EEA1: variants seen among roughly 807,000 people sequenced by gnomAD.
The protein encoded by EEA1 is early endosome antigen 1, 162kD.
EEA1 carries 111 observed loss-of-function variants against 209.2 expected under a neutral mutation model. The observed-to-expected ratio is 0.53, with a 90% CI of 0.45 to 0.62. The LOEUF (loss-of-function observed/expected upper bound fraction) is 0.62. Ranked by LOEUF, EEA1 falls within the 20% of genes least tolerant of loss-of-function variation. The pLI, the probability that EEA1 is intolerant of heterozygous loss-of-function variation, is 0.00. For synonymous variants in EEA1, 536 were observed against 540.6 expected (o/e 0.99, Z 0.12); for missense variants, 1,343 against 1,530.8 (o/e 0.88, Z 2.05).
chr12:92,815,951 G>A (rs11833034), intron 15 of EEA1, among the ~76,000 whole-genome samples: 19 of 151,422 alleles, frequency 1.3e-4, no homozygotes, highest in African/African-American at 4.4e-4. Flanking sequence ...GAGACAGAGA[G>A]AGAGAGGGAG....
At chr12:92,778,280 G>A (rs554391272) in intron 25 of EEA1, 101 bp from the exon 26 acceptor site, 35 of 839,712 alleles carry the variant, frequency 4.2e-5, no homozygotes, top group Non-Finnish European at 5.4e-5. Context: ...TTGCTTCTTC[G>A]GGAATGGAGG....
rs1473281548 is a variant in EEA1, at chr12:92,773,805, C to T, written c.*2206G>A. On this transcript the variant is annotated 3_prime_UTR_variant, in exon 29 of 29. Coordinates refer to ENST00000322349, the MANE Select transcript of EEA1 (RefSeq NM_003566.4). ...GGGAGAGTTAGTAGCAAAAAATGTT[C>T]GGTTTCATTTATATTATCAGTATAG... 1.3e-5 allele frequency: 2 copies of T among 151,340 alleles called. No homozygotes were observed. Among genetic ancestry groups the T allele is most frequent in the African/African-American group, 2.4e-5 (1 of 41,302 alleles). The allele number at this position is 151,340 out of a possible 1,614,324, so 9.4% of individuals were successfully genotyped here. A position where few individuals can be genotyped will look rare whatever the true frequency, so the allele number is the denominator to read the frequency against.
At chr12:92,818,973 C>T (rs566031637) in intron 14 of EEA1, among the ~76,000 whole-genome samples, 1 of 152,134 alleles carries the variant, frequency 6.6e-6, no homozygotes, top group Non-Finnish European at 1.5e-5. Flanking sequence ...ATTCTTTTTT[C>T]TAAACATCAC....
At chr12:92,796,692 C>T (rs1874666275) in intron 21 of EEA1, among the ~76,000 whole-genome samples, 1 of 152,156 alleles carries the variant, frequency 6.6e-6, no homozygotes, top group Admixed American at 6.6e-5. Flanking sequence ...CCTACTTCAC[C>T]ATGGGCCAGT....
In EEA1 at chr12:92,847,590, T is replaced by C. The variant is rs77933799; in HGVS notation, c.798+3521A>G. On this transcript the variant is annotated intron_variant, in intron 9 of 28. Coordinates refer to ENST00000322349, the MANE Select transcript of EEA1 (RefSeq NM_003566.4). ...CCAATACAAATATTACAACACACAA[T>C]ATGGCAAAATTAGAAAAGTAATTAA... Among the ~76,000 whole-genome samples, 550 of 152,176 alleles carry C rather than the reference T, an allele frequency of 3.6e-3. 2 individuals are homozygous for C. The highest frequency in any genetic ancestry group is 0.013 in the African/African-American group (528 of 41,534).
chr12:92,787,707 AT>A (rs1874193488), intron 22 of EEA1, among the ~76,000 whole-genome samples, 159 bp downstream of exon 22: 1 of 152,130 alleles, frequency 6.6e-6, no homozygotes, highest in South Asian at 2.1e-4. Flanking sequence ...ATTTTAAACA[AT>A]TTTTTAAAGC....
chr12:92,874,609 G>A lies in EEA1; in HGVS notation c.118-9622C>T, dbSNP rs528507103. On this transcript the variant is annotated intron_variant, in intron 2 of 28. Transcript: ENST00000322349. The stretch of plus-strand genomic sequence containing the variant: ...TCGAACTCCTGACCTCAGGTGATCC[G>A]CCTGCCTCAGCCTCCCAAAGTGCTG... 4.6e-5 allele frequency among the ~76,000 whole-genome samples: 7 copies of A among 152,186 alleles called. No individual in the cohort carries two copies. The South Asian group carries it at 6.2e-4, about 14-fold the overall frequency.
At chr12:92,917,227 T>A (rs1203397992) in intron 1 of EEA1, among the ~76,000 whole-genome samples, 5 of 129,326 alleles carry the variant, frequency 3.9e-5, no homozygotes, top group Non-Finnish European at 6.5e-5. Flanking sequence ...ACGTTCAGAT[T>A]CAGGAAATAC....
At chr12:92,810,710 T>C (rs1875450946) in intron 17 of EEA1, among the ~76,000 whole-genome samples, 1 of 152,066 alleles carries the variant, frequency 6.6e-6, no homozygotes, top group South Asian at 2.1e-4. Flanking sequence ...CGGTTCTAAT[T>C]TGAAGGACAC....
At chr12:92,829,778 TA>T (rs1270792347) in intron 11 of EEA1, among the ~76,000 whole-genome samples, 7,970 of 71,224 alleles carry the variant, frequency 0.11, 283 homozygotes, top group African/African-American at 0.17. Flanking sequence ...AACTCTGTCT[TA>T]AAAAAAAAAA....
intron 10 of EEA1, among the ~76,000 whole-genome samples, chr12:92,837,818 AC>A (rs1398419216): frequency 6.6e-6 from 1 of 152,242 alleles, no homozygotes; most frequent in African/African-American, 2.4e-5. Flanking sequence ...ACTACCTGTG[AC>A]CCACAAAAGC....
chr12:92,916,124 T>C (rs906314139), intron 1 of EEA1, among the ~76,000 whole-genome samples: 1 of 152,184 alleles, frequency 6.6e-6, no homozygotes, highest in Non-Finnish European at 1.5e-5. Context: ...ATGATTAAAA[T>C]TGACCTACAT....
intron 2 of EEA1, among the ~76,000 whole-genome samples, chr12:92,885,573 C>T (rs766771195): frequency 1.3e-5 from 2 of 152,188 alleles, no homozygotes; most frequent in Non-Finnish European, 2.9e-5. Context: ...ATTGTATAAT[C>T]TGAAGAATTT....
At chr12:92,869,892 T>G (rs1053011092) in intron 2 of EEA1, among the ~76,000 whole-genome samples, 1 of 150,764 alleles carries the variant, frequency 6.6e-6, no homozygotes, top group Non-Finnish European at 1.5e-5. Context: ...AAGGATAACA[T>G]GTGATAAAAT....
At chr12:92,897,161 TC>T (rs752357444) in intron 1 of EEA1, among the ~76,000 whole-genome samples, 2 of 152,198 alleles carry the variant, frequency 1.3e-5, no homozygotes, top group African/African-American at 4.8e-5. Context: ...ACCCTAACTT[TC>T]CACACCTAAG....
intron 11 of EEA1, among the ~76,000 whole-genome samples, chr12:92,829,813 T>C (rs1480176657): frequency 8.1e-6 from 1 of 124,120 alleles, no homozygotes; most frequent in East Asian, 2.4e-4. Context: ...ACAAGCCAAA[T>C]GCCAGGCAGT....
chr12:92,883,643 TTAA>T (rs138003127), intron 2 of EEA1: 383,242 of 589,222 alleles, frequency 0.65, 128,734 homozygotes, highest in East Asian at 0.95. Flanking sequence ...CATGATTTTC[TTAA>T]TAATATTTTC....
chr12:92,886,672 AAAGG>A (rs970348479), intron 2 of EEA1, among the ~76,000 whole-genome samples: 1 of 147,010 alleles, frequency 6.8e-6, no homozygotes, highest in South Asian at 2.2e-4. Context: ...AGGGAGGAAG[AAAGG>A]AAGGAAGGAA....
intron 26 of EEA1, 46 bp downstream of exon 26, chr12:92,777,895 T>C: frequency 6.5e-7 from 1 of 1,541,550 alleles, no homozygotes; most frequent in Non-Finnish European, 8.9e-7. Flanking sequence ...ACAATCTTTT[T>C]ATCACTTACA....
Sources: allele counts gnomAD v4.1 joint callset (sites outside exome capture counted in the v4.1 genomes callset), GRCh38; gene constraint gnomAD v4.1.1; transcripts MANE v1.5; gene names NCBI Gene and HGNC (gene_info 2026-07-23, HGNC 2026-07-21).